RUNX1: variants seen among roughly 807,000 people sequenced by gnomAD.
RUNX1 encodes the protein runt-related transcription factor 1.
RUNX1 carries 19 observed loss-of-function variants against 42.8 expected under a neutral mutation model. The ratio of observed to expected loss-of-function variants is 0.44; its 90% CI spans 0.31 to 0.65. RUNX1 has a LOEUF of 0.65. RUNX1 is among the 30% of genes least tolerant of loss of function. The pLI, the probability that RUNX1 is intolerant of heterozygous loss-of-function variation, is 0.07. For synonymous variants in RUNX1, 271 were observed against 289.4 expected, an observed-to-expected ratio of 0.94 and a Z score of 0.64; for missense variants, 528 against 672.0, an observed-to-expected ratio of 0.79 and a Z score of 2.37.
chr21:34,835,473 T>A (rs2057133047), intron 6 of RUNX1, among the ~76,000 whole-genome samples: 1 of 151,964 alleles, frequency 6.6e-6, no homozygotes, highest in South Asian at 2.1e-4. Context: ...ATAGCAAGTG[T>A]CCTCATCATG....
chr21:34,894,588 A>G (rs1383053251), intron 2 of RUNX1, among the ~76,000 whole-genome samples: 1 of 152,056 alleles, frequency 6.6e-6, no homozygotes, highest in African/African-American at 2.4e-5. Flanking sequence ...AGATGCCAGA[A>G]CCCAAACTGC....
intron 2 of RUNX1, among the ~76,000 whole-genome samples, chr21:35,005,396 A>G (rs1043891709): frequency 4.6e-5 from 7 of 152,196 alleles, no homozygotes; most frequent in African/African-American, 1.7e-4. Context: ...CACTTGAGTC[A>G]AATTGGAGTC....
intron 7 of RUNX1, among the ~76,000 whole-genome samples, chr21:34,808,693 A>G (rs572322570): frequency 6.6e-6 from 1 of 152,292 alleles, no homozygotes; most frequent in Non-Finnish European, 1.5e-5. Context: ...CGCAAAATGC[A>G]ATTCCTCATT....
At chr21:34,834,636 G>A (rs778451144) in intron 6 of RUNX1, 35 bp from the exon 7 acceptor site, 1 of 1,467,294 alleles carries the variant, frequency 6.8e-7, no homozygotes, top group Non-Finnish European at 9.5e-7. Context: ...GGGGATGGGG[G>A]GAGGGAAGGA....
In RUNX1 at chr21:34,788,928, A is replaced by T. The variant is rs778657840; in HGVS notation, c.*3207T>A. On this transcript the variant is annotated 3_prime_UTR_variant, in exon 9 of 9. Coordinates refer to ENST00000675419, the MANE Select transcript of RUNX1 (RefSeq NM_001754.5). ...AATGTCCCAAAGAAACAGGTATTTC[A>T]AGGCAGAAATCTGCAATCCTAAATT... is the stretch of plus-strand genomic sequence containing the variant. The T allele has an allele frequency of 8.6e-6, 2 of 233,366 alleles. No individual in the cohort carries two copies. The highest frequency in any genetic ancestry group is 1.7e-5 in the Non-Finnish European group (2 of 118,074). 14.5% of individuals were successfully genotyped at this position (233,366 alleles called of 1,614,324 possible).
Position 34,907,081 on chromosome 21 carries a change from G to A in RUNX1, c.59-14118C>T, listed in dbSNP as rs1187408741. Among the ~76,000 whole-genome samples, 1 of 152,184 alleles carries A rather than the reference G, an allele frequency of 6.6e-6. No individual in the cohort carries two copies. The highest frequency in any genetic ancestry group is 6.5e-5 in the Admixed American group (1 of 15,278). ...TCATTATTCATGAGGACTTGATCGTGTATTCAAAGTCAGCCAGGAGGGTCA... is the reference window on the plus strand; with the variant it reads ...TCATTATTCATGAGGACTTGATCGTATATTCAAAGTCAGCCAGGAGGGTCA... On this transcript the variant is annotated intron_variant, in intron 2 of 8. Transcript: ENST00000675419. This position sits in a 1 kb window ranked among gnomAD's most constrained non-coding sequence, Gnocchi z 5.3.
chr21:35,033,158 T>G (rs147043557), intron 2 of RUNX1, among the ~76,000 whole-genome samples: 151 of 152,358 alleles, frequency 9.9e-4, no homozygotes, highest in African/African-American at 3.6e-3. Context: ...TGTCCATCCA[T>G]GCATTTGCCT....
rs559729308 is a variant in RUNX1 at position 35,006,989 on chromosome 21, T to C, written c.58+41853A>G. On this transcript the variant is annotated intron_variant, in intron 2 of 8. Transcript: ENST00000675419. ...TCTAGGAGGTACCTTAGGTGGCTTCTACAGCTGCACTGCTTGGTATTGGTG... is the reference window on the plus strand; with the variant it reads ...TCTAGGAGGTACCTTAGGTGGCTTCCACAGCTGCACTGCTTGGTATTGGTG... 5.3e-5 allele frequency among the ~76,000 whole-genome samples: 8 copies of C among 152,310 alleles called. No individual in the cohort carries two copies. In the East Asian group the frequency reaches 1.5e-3, roughly 29 times the overall value.
intron 2 of RUNX1, among the ~76,000 whole-genome samples, chr21:34,953,457 C>T (rs1379650331): frequency 1.3e-5 from 2 of 152,104 alleles, no homozygotes; most frequent in Admixed American, 1.3e-4. Context: ...GACATGATGT[C>T]CAGAGCTCAG....
chr21:34,997,555 T>C (rs1312358568), intron 2 of RUNX1, among the ~76,000 whole-genome samples: 1 of 152,236 alleles, frequency 6.6e-6, no homozygotes, highest in Non-Finnish European at 1.5e-5. Flanking sequence ...AAAGTAGTCT[T>C]GGCACTGGAA....
intron 7 of RUNX1, chr21:34,821,157 GAGGAATA>G (rs1458246904): frequency 2.1e-6 from 2 of 943,198 alleles, no homozygotes; most frequent in Non-Finnish European, 2.6e-6. Context: ...TGGGGCTCCC[GAGGAATA>G]AGGAGACACC....
At chr21:34,824,707 G>A (rs928790077) in intron 7 of RUNX1, among the ~76,000 whole-genome samples, 2 of 152,202 alleles carry the variant, frequency 1.3e-5, no homozygotes, top group African/African-American at 4.8e-5. Flanking sequence ...AGGGTGGGGT[G>A]TTCTGAGGGC....
intron 2 of RUNX1, chr21:35,038,326 C>G: frequency 3.0e-6 from 1 of 330,486 alleles, no homozygotes; most frequent in South Asian, 2.3e-5. Flanking sequence ...AAAGGCAACT[C>G]GTAGAAGAAG....
chr21:35,016,870 G>C (rs1347137953), intron 2 of RUNX1, among the ~76,000 whole-genome samples: 1 of 140,386 alleles, frequency 7.1e-6, no homozygotes, highest in Non-Finnish European at 1.6e-5. Flanking sequence ...GGGACTTGCA[G>C]TGTGTGCACA....
At chr21:35,019,968 G>A (rs541654646) in intron 2 of RUNX1, among the ~76,000 whole-genome samples, 25 of 152,218 alleles carry the variant, frequency 1.6e-4, no homozygotes, top group East Asian at 5.8e-4. Flanking sequence ...CTTGGTATCG[G>A]GGAAGCAGAT....
intron 2 of RUNX1, among the ~76,000 whole-genome samples, chr21:34,919,235 G>A (rs1230433886): frequency 1.3e-5 from 2 of 152,084 alleles, no homozygotes; most frequent in East Asian, 3.9e-4. Context: ...TGTTTCCCTT[G>A]GTACTCAAAC....
At chr21:34,897,150 C>T (rs932550238) in intron 2 of RUNX1, among the ~76,000 whole-genome samples, 4 of 152,174 alleles carry the variant, frequency 2.6e-5, no homozygotes, top group African/African-American at 9.7e-5. Context: ...AGACTTGGAT[C>T]CATGGATTGA....
In RUNX1 at chr21:34,792,064, G is replaced by T. The variant is rs1283174027; in HGVS notation, c.*71C>A. 1.2e-5 allele frequency: 12 copies of T among 1,029,564 alleles called. No homozygotes were observed. The East Asian group carries it at 4.2e-4, about 36-fold the overall frequency. 63.8% of individuals were successfully genotyped at this position (1,029,564 alleles called of 1,614,324 possible). On this transcript the variant is annotated 3_prime_UTR_variant, in exon 9 of 9. Coordinates refer to ENST00000675419, the MANE Select transcript of RUNX1 (RefSeq NM_001754.5). This position sits in a 1 kb window ranked among gnomAD's most constrained non-coding sequence, Gnocchi z 6.9. ...CCCGGGATCCCGGCGGGCTTGTCGC[G>T]AACAGGAGGCCCGCGCGCCCGGAGG...
chr21:34,933,678 G>A (rs144541443), intron 2 of RUNX1, among the ~76,000 whole-genome samples: 339 of 152,314 alleles, frequency 2.2e-3, no homozygotes, highest in African/African-American at 7.8e-3. Context: ...TCTTTGGGTT[G>A]GCTGGGCATG....
Sources: gnomAD v4.1 joint callset for allele counts (sites outside exome capture counted in the v4.1 genomes callset) on GRCh38, gnomAD v4.1.1 for gene constraint, Gnocchi (gnomAD v3.1) non-coding constraint, MANE v1.5 for transcripts, NCBI Gene and HGNC (gene_info 2026-07-23, HGNC 2026-07-21) for gene names.